SORT1: variants seen among roughly 807,000 people sequenced by gnomAD.
The protein encoded by SORT1 is sortilin.
A neutral mutation model predicts 101.7 loss-of-function variants in SORT1; 39 were observed. That is an observed-to-expected ratio of 0.38 (90% confidence interval 0.30 to 0.50). The LOEUF is 0.50. SORT1 is among the 20% of genes least tolerant of loss of function. SORT1 has a pLI of 0.90. For synonymous variants in SORT1, 396 were observed against 393.7 expected (o/e 1.01, Z -0.07); for missense variants, 878 against 1,040.4 (o/e 0.84, Z 2.15).
chr1:109,365,385 G>C (rs1002938832), intron 3 of SORT1, among the ~76,000 whole-genome samples: 3 of 152,210 alleles, frequency 2.0e-5, no homozygotes, highest in Non-Finnish European at 4.4e-5. Context: ...ACCATGCCCA[G>C]CTAATTTTGT....
At chr1:109,328,747 A>G (rs1436334831) in intron 11 of SORT1, among the ~76,000 whole-genome samples, 1 of 152,230 alleles carries the variant, frequency 6.6e-6, no homozygotes, top group Non-Finnish European at 1.5e-5. Context: ...AATAAACTTG[A>G]TAAGCACCTG....
intron 14 of SORT1, 74 bp from the exon 15 acceptor site, chr1:109,323,195 AG>A (rs1286952641): frequency 1.0e-6 from 1 of 992,064 alleles, no homozygotes; most frequent in Non-Finnish European, 1.5e-6. Flanking sequence ...GCCAGGCTAT[AG>A]GAAGAACAAG....
intron 15 of SORT1, among the ~76,000 whole-genome samples, chr1:109,321,253 G>C (rs1234824961): frequency 6.6e-6 from 1 of 152,056 alleles, no homozygotes; most frequent in East Asian, 1.9e-4. Context: ...GAACTCTGGG[G>C]GTCTAGATGA....
rs1383160909 is a variant in SORT1 at position 109,327,149 on chromosome 1, C to T, written c.1486G>A (p.Asp496Asn). 6.2e-7 allele frequency: 1 copy of T among 1,612,148 alleles called. No homozygotes were observed. The highest frequency in any genetic ancestry group is 8.5e-7 in the Non-Finnish European group (1 of 1,178,824). ...GIVIAHGSVG[D>N]AISVMVPDVY... ...TCTGGAACCATCACTGAGATGGCAT[C>T]CCCCACGCTACCTGCAATATAATCC... is the stretch of plus-strand genomic sequence containing the variant. Residue 496 changes from aspartate to asparagine, a missense_variant, in exon 13 of 20, where the codon GAT becomes AAT. By Grantham distance (23) the Asp-to-Asn change is conservative. Transcript: ENST00000256637.
chr1:109,337,531 C>G (rs546787208), intron 10 of SORT1, among the ~76,000 whole-genome samples: 48 of 152,316 alleles, frequency 3.2e-4, no homozygotes, highest in African/African-American at 1.1e-3. Context: ...GTGTGAGCCA[C>G]TGTGCCTGGG....
At chr1:109,392,738 T>C in intron 1 of SORT1, 1 of 984,746 alleles carries the variant, frequency 1.0e-6, no homozygotes, top group Non-Finnish European at 1.2e-6. Flanking sequence ...TACTGAAATA[T>C]CCAATGCATA....
At chr1:109,324,545 T>C (rs1647859642) in intron 14 of SORT1, among the ~76,000 whole-genome samples, 1 of 152,252 alleles carries the variant, frequency 6.6e-6, no homozygotes, top group African/African-American at 2.4e-5. Flanking sequence ...AATCCTTTTC[T>C]GAACCTATTT....
intron 11 of SORT1, among the ~76,000 whole-genome samples, chr1:109,330,813 T>A (rs1378515185): frequency 6.6e-6 from 1 of 151,364 alleles, no homozygotes; most frequent in East Asian, 1.9e-4. Context: ...AAACAAAGGA[T>A]CCTAAGAGAC....
At position 109,347,074 on chromosome 1, in the gene SORT1, C is replaced by T. The variant is rs140353117; in HGVS notation, c.832+409G>A. 8.2e-4 allele frequency among the ~76,000 whole-genome samples: 125 copies of T among 152,298 alleles called. 1 individual carries two copies. Among genetic ancestry groups the T allele is most frequent in the Middle Eastern group, 3.4e-3 (1 of 294 alleles). ...ACAGTGTTTAGCATATGAGCAGGTG[C>T]TCAAATATCTGTTGAATGAGTAAAT... is the stretch of plus-strand genomic sequence containing the variant. On this transcript the variant is annotated intron_variant, in intron 7 of 19. Coordinates refer to ENST00000256637, the MANE Select transcript of SORT1 (RefSeq NM_002959.7).
At chr1:109,342,268 T>C (rs1649278584) in intron 8 of SORT1, 110 bp from the exon 9 acceptor site, 3 of 806,070 alleles carry the variant, frequency 3.7e-6, no homozygotes, top group Non-Finnish European at 5.9e-6. Context: ...CTCTACTGGG[T>C]ACGATTGCTA....
chr1:109,327,723 T>A, intron 11 of SORT1, 122 bp from the exon 12 acceptor site: 1 of 538,054 alleles, frequency 1.9e-6, no homozygotes, highest in East Asian at 3.3e-5. Flanking sequence ...AAGTACTATC[T>A]TAACTATTTA....
chr1:109,368,293 CAA>C (rs35637507), intron 2 of SORT1, among the ~76,000 whole-genome samples: 75 of 59,420 alleles, frequency 1.3e-3, no homozygotes, highest in African/African-American at 3.1e-3. Flanking sequence ...GACTCTGTCT[CAA>C]AAAAAAAAAA....
chr1:109,344,939 C>T (rs1297726033), intron 8 of SORT1, among the ~76,000 whole-genome samples: 1 of 152,130 alleles, frequency 6.6e-6, no homozygotes, highest in East Asian at 1.9e-4. Context: ...TCAAGGGATC[C>T]ACCCGCCTCA....
At chr1:109,339,855 G>C (rs999662183) in intron 10 of SORT1, among the ~76,000 whole-genome samples, 2 of 152,038 alleles carry the variant, frequency 1.3e-5, no homozygotes, top group African/African-American at 4.8e-5. Flanking sequence ...ATCAATGGAG[G>C]AATAAAAAAC....
rs994098831 is a variant in SORT1 at position 109,324,929 on chromosome 1, T to A, written c.1804A>T (p.Ile602Phe). The change falls in exon 14 of 20, where the codon ATT becomes TTT. Residue 602 changes from isoleucine to phenylalanine, a missense_variant. Physicochemically the swap from Ile to Phe is conservative, Grantham distance 21. Transcript: ENST00000256637. ...CTTTCAAGGATATCTTTAAAATCAA[T>A]GGTGTAGGAGACCCACTGGCTGGTC... Reference protein sequence around the residue: ...FLTSQWVSYTIDFKDILERNC... With the variant: ...FLTSQWVSYTFDFKDILERNC... 6.2e-7 allele frequency: 1 copy of A among 1,611,136 alleles called. No individual in the cohort carries two copies. The highest frequency in any genetic ancestry group is 8.5e-7 in the Non-Finnish European group (1 of 1,178,206).
At position 109,311,051 on chromosome 1, in the gene SORT1, C is replaced by T; in HGVS notation, c.*2992G>A. On this transcript the variant is annotated 3_prime_UTR_variant, in exon 20 of 20. Transcript: ENST00000256637. ...CGGCTGATCTATGGACTCTCCTGAG[C>T]CCGCCCCCAGAACTGCCGCAACTCT... 1 of 152,326 alleles carries T rather than the reference C, an allele frequency of 6.6e-6. No homozygotes were observed. Among genetic ancestry groups the T allele is most frequent in the Middle Eastern group, 3.4e-3 (1 of 296 alleles). 9.4% of individuals were successfully genotyped at this position (152,326 alleles called of 1,614,324 possible).
chr1:109,336,606 G>C (rs955644157), intron 10 of SORT1, among the ~76,000 whole-genome samples: 7 of 152,122 alleles, frequency 4.6e-5, no homozygotes, highest in Admixed American at 1.3e-4. Context: ...TCAGGAGTTT[G>C]AGACCAGCCT....
intron 5 of SORT1, among the ~76,000 whole-genome samples, chr1:109,351,971 T>TGTGC (rs1048422233): frequency 3.6e-5 from 1 of 28,008 alleles, no homozygotes; most frequent in African/African-American, 6.1e-5. Flanking sequence ...TAGGGGTGTG[T>TGTGC]GTGTGTGTGT....
chr1:109,392,894 T>G lies in SORT1; in HGVS notation c.306+4693A>C, dbSNP rs969763301. ...TCCTACTCCTTGATCCAAAGCTGAA[T>G]GGAAGAAACAGAACTCAAGAGACTA... On this transcript the variant is annotated intron_variant, in intron 1 of 19. Coordinates refer to ENST00000256637, the MANE Select transcript of SORT1 (RefSeq NM_002959.7). 4.1e-6 allele frequency: 4 copies of G among 985,042 alleles called. No homozygotes were observed. The African/African-American group carries it at 7.0e-5, about 17-fold the overall frequency. The allele number at this position is 985,042 out of a possible 1,614,324, so 61.0% of individuals were successfully genotyped here. A position where few individuals can be genotyped will look rare whatever the true frequency, so the allele number is the denominator to read the frequency against.
Sources: allele counts gnomAD v4.1 joint callset (sites outside exome capture counted in the v4.1 genomes callset), GRCh38; gene constraint gnomAD v4.1.1; transcripts MANE v1.5; gene names NCBI Gene and HGNC (gene_info 2026-07-23, HGNC 2026-07-21).